Variants in MS4A13 observed in about 807,000 individuals in gnomAD.
The protein encoded by MS4A13 is membrane spanning 4-domains A13, also known as membrane-spanning 4-domains subfamily A member 13.
MS4A13 carries 21 observed loss-of-function variants against 18.4 expected under a neutral mutation model. The observed-to-expected ratio is 1.14, with a 90% confidence interval of 0.81 to 1.64. The LOEUF (loss-of-function observed/expected upper bound fraction) is 1.64, where lower values mean the gene tolerates loss of function less well. Ranked by LOEUF, MS4A13 falls within the 40% of genes most tolerant of loss-of-function variation. MS4A13 has a pLI of 0.00. For synonymous variants in MS4A13, 62 were observed against 57.2 expected (o/e 1.08, Z -0.38); for missense variants, 173 against 176.8 (o/e 0.98, Z 0.12).
At position 60,522,000 on chromosome 11, in the gene MS4A13, G is replaced by A. The variant is rs12286993; in HGVS notation, c.130-1897G>A. On this transcript the variant is annotated intron_variant, in intron 3 of 6. Coordinates refer to ENST00000378186, the MANE Select transcript of MS4A13 (RefSeq NM_001012417.3). ...GGCAGCAGGCAAAGAGAGAGGGCTTGTGCAGGGAAACTCCCATTTTTAAAA... is the reference window on the plus strand; with the variant it reads ...GGCAGCAGGCAAAGAGAGAGGGCTTATGCAGGGAAACTCCCATTTTTAAAA... Among the ~76,000 whole-genome samples, 4 of 151,930 alleles carry A rather than the reference G, an allele frequency of 2.6e-5. No homozygotes were observed. In the South Asian group the frequency reaches 8.3e-4, roughly 32 times the overall value.
At chr11:60,533,070 GA>G (rs1223720398) in intron 6 of MS4A13, among the ~76,000 whole-genome samples, 1 of 88,558 alleles carries the variant, frequency 1.1e-5, no homozygotes, top group African/African-American at 4.4e-5. Flanking sequence ...CAAAGATGGG[GA>G]AAAAACAGAA....
intron 3 of MS4A13, among the ~76,000 whole-genome samples, chr11:60,522,144 A>G (rs2086678029): frequency 6.6e-6 from 1 of 152,012 alleles, no homozygotes; most frequent in South Asian, 2.1e-4. Flanking sequence ...TATGGAAGCT[A>G]CAAGATGAGA....
chr11:60,516,968 C>G lies in MS4A13; in HGVS notation c.-13+884C>G, dbSNP rs534716227. On this transcript the variant is annotated intron_variant, in intron 2 of 6. Transcript: ENST00000378186. ...AAGAGGTATTTGCTGGATGCCTTCT[C>G]TATTCTGGGCACCATATTAGAGGCT... is the stretch of plus-strand genomic sequence containing the variant. Among the ~76,000 whole-genome samples, 154 of 151,616 alleles carry G rather than the reference C, an allele frequency of 1.0e-3. 4 individuals carry two copies. The highest frequency in any genetic ancestry group is 1.5e-3 in the South Asian group (7 of 4,780).
In MS4A13 at chr11:60,527,358, TTCCGTCTC is replaced by T. The variant is rs1303337760; in HGVS notation, c.307-2004_307-1997del. 2.8e-3 allele frequency among the ~76,000 whole-genome samples: 225 copies of T among 81,754 alleles called. 4 individuals are homozygous for T. Among genetic ancestry groups the T allele is most frequent in the South Asian group, 7.7e-3 (14 of 1,824 alleles). The allele number at this position is 81,754 out of a possible 152,430, so 53.6% of individuals were successfully genotyped here. A position where few individuals can be genotyped will look rare whatever the true frequency, so the allele number is the denominator to read the frequency against. ...ACATCATCTGCCAGGAACTCATTCA[TTCCGTCTC>T]TCTCTCTCTCTCTCTCTCTCTCTCT... On this transcript the variant is annotated intron_variant, in intron 5 of 6. Transcript: ENST00000378186.
intron 6 of MS4A13, among the ~76,000 whole-genome samples, chr11:60,532,240 C>T (rs902898841): frequency 6.6e-6 from 1 of 152,222 alleles, no homozygotes; most frequent in African/African-American, 2.4e-5. Flanking sequence ...CGGGTGATTT[C>T]TGCATTTCCA....
chr11:60,542,710 C>T lies in MS4A13; in HGVS notation c.*135C>T. 1 of 511,080 alleles carries T rather than the reference C, an allele frequency of 2.0e-6. No homozygotes were observed. Among genetic ancestry groups the T allele is most frequent in the Non-Finnish European group, 3.5e-6 (1 of 288,688 alleles). 31.7% of individuals were successfully genotyped at this position (511,080 alleles called of 1,614,324 possible). On this transcript the variant is annotated 3_prime_UTR_variant, in exon 7 of 7. Coordinates refer to ENST00000378186, the MANE Select transcript of MS4A13 (RefSeq NM_001012417.3). Reference sequence around the variant, plus strand: ...AATACAAACAAGGTGAATTTTTCTCCTCATTCAAAAATGTCTCTGCTTATA... The same window carrying T: ...AATACAAACAAGGTGAATTTTTCTCTTCATTCAAAAATGTCTCTGCTTATA...
chr11:60,535,487 C>A (rs1310642097), intron 6 of MS4A13, among the ~76,000 whole-genome samples: 2 of 137,192 alleles, frequency 1.5e-5, no homozygotes, highest in Non-Finnish European at 3.1e-5. Flanking sequence ...GAAGTAGAAT[C>A]TCTGAATAGA....
At position 60,527,410 on chromosome 11, in the gene MS4A13, C is replaced by CTG. The variant is rs1224398821; in HGVS notation, c.307-1921_307-1920dup. Among the ~76,000 whole-genome samples, 115 of 28,802 alleles carry CTG rather than the reference C, an allele frequency of 4.0e-3. 4 individuals carry two copies. Among genetic ancestry groups the CTG allele is most frequent in the South Asian group, 0.015 (6 of 392 alleles). 18.9% of individuals were successfully genotyped at this position (28,802 alleles called of 152,430 possible). A position where few individuals can be genotyped will look rare whatever the true frequency, so the allele number is the denominator to read the frequency against. ...TCTCTCTCTCTCTCTCTCTCTCTCT[C>CTG]TGTGTGTGTGTGTGTGTGTGTGTGT... is the stretch of plus-strand genomic sequence containing the variant. On this transcript the variant is annotated intron_variant, in intron 5 of 6. Coordinates refer to ENST00000378186, the MANE Select transcript of MS4A13 (RefSeq NM_001012417.3).
intron 5 of MS4A13, among the ~76,000 whole-genome samples, chr11:60,528,131 T>G (rs1446868791): frequency 6.6e-6 from 1 of 152,188 alleles, no homozygotes; most frequent in East Asian, 1.9e-4. Context: ...TGTTCTCACA[T>G]TAAAAACCAT....
chr11:60,542,946 T>A (rs2086873054), downstream of MS4A13, among the ~76,000 whole-genome samples: 1 of 152,148 alleles, frequency 6.6e-6, no homozygotes, highest in African/African-American at 2.4e-5. Flanking sequence ...CTTTAAATAC[T>A]TATGTCCATA....
intron 5 of MS4A13, among the ~76,000 whole-genome samples, chr11:60,527,396 C>CTGTGTGTGTG (rs1157163515): frequency 5.7e-5 from 6 of 105,824 alleles, no homozygotes; most frequent in African/African-American, 2.3e-4. Flanking sequence ...CTCTCTCTCT[C>CTGTGTGTGTG]TCTCTCTCTC....
intron 6 of MS4A13, among the ~76,000 whole-genome samples, chr11:60,532,713 G>A (rs61900775): frequency 6.9e-6 from 1 of 145,760 alleles, no homozygotes; most frequent in South Asian, 2.3e-4. Flanking sequence ...TCCACCTCTG[G>A]GGGCAGGGCA....
intron 6 of MS4A13, among the ~76,000 whole-genome samples, chr11:60,530,293 T>A (rs945236338): frequency 6.6e-6 from 1 of 152,140 alleles, no homozygotes; most frequent in Non-Finnish European, 1.5e-5. Context: ...ACACATAAAA[T>A]TATAAAATGT....
chr11:60,526,822 G>A (rs576896605), intron 5 of MS4A13, among the ~76,000 whole-genome samples: 2 of 152,298 alleles, frequency 1.3e-5, no homozygotes, highest in South Asian at 4.1e-4. Context: ...TAGCAAAATG[G>A]TTAATAGTAT....
intron 6 of MS4A13, among the ~76,000 whole-genome samples, chr11:60,538,293 A>C (rs1333663387): frequency 6.6e-6 from 1 of 151,716 alleles, no homozygotes; most frequent in Non-Finnish European, 1.5e-5. Context: ...AAAGGTGTTG[A>C]TCAAAGGCCA....
chr11:60,524,006 T>G, intron 4 of MS4A13, 53 bp downstream of exon 4: 3 of 1,087,858 alleles, frequency 2.8e-6, no homozygotes, highest in Non-Finnish European at 4.2e-6. Context: ...CAAAGCTAAA[T>G]ATTAAGTTTT....
chr11:60,535,460 C>G (rs1184046589), intron 6 of MS4A13, among the ~76,000 whole-genome samples: 3 of 137,562 alleles, frequency 2.2e-5, no homozygotes, highest in African/African-American at 8.4e-5. Flanking sequence ...TACACTCTGC[C>G]AAGACTAAAC....
At chr11:60,543,110 C>T (rs541823731), downstream of MS4A13, among the ~76,000 whole-genome samples, 2 of 152,216 alleles carry the variant, frequency 1.3e-5, no homozygotes, top group African/African-American at 4.8e-5. Flanking sequence ...AACATATCTG[C>T]TATCTTTCTT....
intron 6 of MS4A13, among the ~76,000 whole-genome samples, chr11:60,530,271 G>A (rs1421138792): frequency 6.6e-6 from 1 of 152,082 alleles, no homozygotes; most frequent in African/African-American, 2.4e-5. Flanking sequence ...GGGGGAGAAA[G>A]GCAATAAACA....
Sources: allele counts gnomAD v4.1 joint callset (sites outside exome capture counted in the v4.1 genomes callset), GRCh38; gene constraint gnomAD v4.1.1; transcripts MANE v1.5; gene names NCBI Gene and HGNC (gene_info 2026-07-23, HGNC 2026-07-21).